GALNT17: variants seen among roughly 807,000 people sequenced by gnomAD.
GALNT17 encodes the protein UDP-GalNAc:polypeptide N-acetylgalactosaminyltransferase-like 3.
A neutral mutation model predicts 63.7 loss-of-function variants in GALNT17; 29 were observed. The ratio of observed to expected loss-of-function variants is 0.46; its 90% confidence interval spans 0.34 to 0.62. The LOEUF is 0.62. GALNT17 is among the 20% of genes least tolerant of loss of function. The pLI is 0.01. For missense variants in GALNT17, 603 were observed against 799.6 expected (o/e 0.75, Z 2.97); for synonymous variants, 305 against 318.3 (o/e 0.96, Z 0.45).
At chr7:71,324,521 G>A (rs1791670589) in intron 1 of GALNT17, among the ~76,000 whole-genome samples, 1 of 152,168 alleles carries the variant, frequency 6.6e-6, no homozygotes, top group African/African-American at 2.4e-5. Context: ...AGCTGGGCAT[G>A]GTGGCATATG....
intron 5 of GALNT17, among the ~76,000 whole-genome samples, chr7:71,516,845 C>T (rs1051126728): frequency 1.5e-4 from 23 of 152,260 alleles, no homozygotes; most frequent in African/African-American, 4.6e-4. Flanking sequence ...TTTTATCCTT[C>T]GTGGCTAAAC....
Position 71,388,394 on chromosome 7 carries a change from C to T in GALNT17, c.582C>T (p.Ser194=), listed in dbSNP as rs769314775. Residue 194 remains serine, a synonymous_variant, in exon 3 of 11, where the codon AGC becomes AGT. Transcript: ENST00000333538. ...LKEIILVDDN[S]DEEELKVPLE... ...AAATCATTCTGGTGGATGACAACAG[C>T]GACGAAGGTACAGGGGTGGCTGACC... is the stretch of plus-strand genomic sequence containing the variant. 8 of 1,613,670 alleles carry T rather than the reference C, an allele frequency of 5.0e-6. No individual in the cohort carries two copies. The highest frequency in any genetic ancestry group is 4.5e-5 in the East Asian group (2 of 44,874).
At chr7:71,701,846 TATATATATACAC>T (rs1222722323) in intron 9 of GALNT17, among the ~76,000 whole-genome samples, 2,894 of 32,442 alleles carry the variant, frequency 0.089, 195 homozygotes, top group African/African-American at 0.18. Flanking sequence ...TATATGTGTA[TATATATATACAC>T]ATATATATAT....
intron 8 of GALNT17, among the ~76,000 whole-genome samples, chr7:71,670,836 G>T (rs1329511157): frequency 6.6e-6 from 1 of 151,816 alleles, no homozygotes; most frequent in Non-Finnish European, 1.5e-5. Flanking sequence ...TGGGGATCTG[G>T]ATACCAGAGA....
intron 1 of GALNT17, among the ~76,000 whole-genome samples, chr7:71,269,528 G>A (rs1038994972): frequency 6.6e-6 from 1 of 152,114 alleles, no homozygotes; most frequent in African/African-American, 2.4e-5. Flanking sequence ...GTCTGCCTTG[G>A]TCTTGGAGGA....
intron 5 of GALNT17, among the ~76,000 whole-genome samples, chr7:71,535,098 A>T (rs928298774): frequency 6.6e-6 from 1 of 152,164 alleles, no homozygotes; most frequent in African/African-American, 2.4e-5. Flanking sequence ...CTTTGGACCA[A>T]TGGGAAGATG....
Position 71,686,562 on chromosome 7 carries a change from A to T in GALNT17, c.1500+9256A>T, listed in dbSNP as rs12699063. ...TACCAGGCTTTTTTATTTTTTTTTT[A>T]AATTTTTGTAGAGATAGGGATCTCA... On this transcript the variant is annotated intron_variant, in intron 9 of 10. Transcript: ENST00000333538. 2.3e-3 allele frequency among the ~76,000 whole-genome samples: 262 copies of T among 112,356 alleles called. 2 individuals carry two copies. The highest frequency in any genetic ancestry group is 3.8e-3 in the African/African-American group (118 of 30,656). 73.7% of individuals were successfully genotyped at this position (112,356 alleles called of 152,430 possible). A position where few individuals can be genotyped will look rare whatever the true frequency, so the allele number is the denominator to read the frequency against.
chr7:71,133,473 T>C (rs1787725547), intron 1 of GALNT17, among the ~76,000 whole-genome samples: 1 of 152,112 alleles, frequency 6.6e-6, no homozygotes, highest in African/African-American at 2.4e-5. Flanking sequence ...AGGGCTTGGA[T>C]GTCTGCAGAC....
Position 71,185,700 on chromosome 7 carries a change from G to T in GALNT17, c.238+52660G>T, listed in dbSNP as rs538172439. On this transcript the variant is annotated intron_variant, in intron 1 of 10. Coordinates refer to ENST00000333538, the MANE Select transcript of GALNT17 (RefSeq NM_022479.3). ...TTTTTTGTATTTTTAGTGGAGACGG[G>T]GTTTCACCGTGTTAGCCAGGATGGT... Among the ~76,000 whole-genome samples, 7 of 151,938 alleles carry T rather than the reference G, an allele frequency of 4.6e-5. No homozygotes were observed. In the East Asian group the frequency reaches 1.4e-3, roughly 30 times the overall value.
chr7:71,640,540 G>C (rs1238373107), intron 6 of GALNT17, among the ~76,000 whole-genome samples: 2 of 152,034 alleles, frequency 1.3e-5, no homozygotes, highest in Non-Finnish European at 2.9e-5. Flanking sequence ...TCTAGTTGTT[G>C]TGGCTATCTT....
At chr7:71,458,949 C>T (rs1228159608) in intron 5 of GALNT17, among the ~76,000 whole-genome samples, 1 of 152,074 alleles carries the variant, frequency 6.6e-6, no homozygotes, top group African/African-American at 2.4e-5. Context: ...TGGCTGTTCC[C>T]ATTTAGGGCC....
intron 6 of GALNT17, among the ~76,000 whole-genome samples, chr7:71,587,531 T>C (rs1470128438): frequency 1.3e-5 from 2 of 152,154 alleles, no homozygotes; most frequent in African/African-American, 4.8e-5. Flanking sequence ...TTCAGTGATA[T>C]GTACTATGTG....
intron 6 of GALNT17, among the ~76,000 whole-genome samples, chr7:71,586,796 T>A (rs1423214296): frequency 1.3e-5 from 2 of 152,168 alleles, no homozygotes; most frequent in Non-Finnish European, 2.9e-5. Flanking sequence ...TATGTTCATA[T>A]AATTTGTAAA....
At chr7:71,708,651 C>T (rs1406040834) in intron 9 of GALNT17, among the ~76,000 whole-genome samples, 1 of 152,146 alleles carries the variant, frequency 6.6e-6, no homozygotes, top group African/African-American at 2.4e-5. Context: ...TGCTTGAAAT[C>T]GTCACCCAGG....
At chr7:71,243,024 T>G (rs1033318258) in intron 1 of GALNT17, among the ~76,000 whole-genome samples, 7 of 152,342 alleles carry the variant, frequency 4.6e-5, no homozygotes, top group African/African-American at 1.7e-4. Context: ...CCAAATCTCA[T>G]CTTGAATTGT....
chr7:71,232,285 G>T (rs1789804922), intron 1 of GALNT17, among the ~76,000 whole-genome samples: 1 of 152,076 alleles, frequency 6.6e-6, no homozygotes, highest in African/African-American at 2.4e-5. Context: ...GCCCACCACT[G>T]CCCCCACCCC....
At chr7:71,303,187 C>G (rs1304608253) in intron 1 of GALNT17, among the ~76,000 whole-genome samples, 1 of 151,314 alleles carries the variant, frequency 6.6e-6, no homozygotes, top group Non-Finnish European at 1.5e-5. Context: ...GACAGGTTCT[C>G]GCTGTGTTGC....
intron 1 of GALNT17, among the ~76,000 whole-genome samples, chr7:71,217,151 T>G (rs1326341964): frequency 8.0e-5 from 12 of 149,488 alleles, no homozygotes; most frequent in African/African-American, 2.4e-4. Flanking sequence ...TTTTGTTTTT[T>G]TTTTTTTTTT....
intron 9 of GALNT17, among the ~76,000 whole-genome samples, chr7:71,683,746 G>A (rs1374427312): frequency 6.6e-6 from 1 of 152,134 alleles, no homozygotes; most frequent in Non-Finnish European, 1.5e-5. Context: ...ACTGGCTCAC[G>A]CTTGTAATCC....
Sources: allele counts gnomAD v4.1 joint callset (sites outside exome capture counted in the v4.1 genomes callset), GRCh38; gene constraint gnomAD v4.1.1; transcripts MANE v1.5; gene names NCBI Gene and HGNC (gene_info 2026-07-23, HGNC 2026-07-21).